The following MTAP variants were observed in gnomAD, a reference collection of about 807,000 sequenced individuals.
MTAP encodes methylthioadenosine phosphorylase, also known as S-methyl-5'-thioadenosine phosphorylase.
In MTAP, 33 loss-of-function variants were observed where a neutral mutation model predicts 33.6. The ratio of observed to expected loss-of-function variants is 0.98; its 90% CI spans 0.74 to 1.31. The LOEUF is 1.31. MTAP is among the 40% of genes most tolerant of loss of function. The probability of loss-of-function intolerance (pLI) is 0.00; values close to 1 mark genes in which losing one functional copy is unlikely to be tolerated. For synonymous variants in MTAP, 148 were observed against 125.7 expected (o/e 1.18, Z -1.19); for missense variants, 367 against 360.0 (o/e 1.02, Z -0.16).
intron 1 of MTAP, chr9:21,803,019 CACACACACA>C: frequency 9.0e-7 from 1 of 1,110,306 alleles, no homozygotes; most frequent in Non-Finnish European, 1.2e-6. Flanking sequence ...CACACACACA[CACACACACA>C]CACACACACC....
At chr9:21,817,435 C>T (rs1054298190) in intron 3 of MTAP, among the ~76,000 whole-genome samples, 39 of 151,952 alleles carry the variant, frequency 2.6e-4, no homozygotes, top group African/African-American at 9.4e-4. Flanking sequence ...ACTGAGTCCC[C>T]ATCTGGAGCT....
chr9:21,815,739 C>G, intron 2 of MTAP: 1 of 519,380 alleles, frequency 1.9e-6, no homozygotes, highest in South Asian at 2.3e-5. Context: ...AAAATGGCTA[C>G]TTAGTATGTA....
chr9:21,861,970 T>C lies in MTAP; in HGVS notation c.814-6T>C. On this transcript the variant is annotated splice_region_variant and splice_polypyrimidine_tract_variant and intron_variant, in intron 7 of 7. Coordinates refer to ENST00000644715, the MANE Select transcript of MTAP (RefSeq NM_002451.4). The stretch of plus-strand genomic sequence containing the variant: ...TGAATATCACTGCCTCCTTTCTTCC[T>C]TTCAGAATATGGCCCAGTTTTCTGT... 1 of 1,533,608 alleles carries C rather than the reference T, an allele frequency of 6.5e-7. No homozygotes were observed.
In MTAP at chr9:21,864,508, C is replaced by T; in HGVS notation, c.*2494C>T. ...AATAGATTTGCATGTACATAGAAGT[C>T]TTTGTTGGCCTTATAATCTGCTGTT... On this transcript the variant is annotated 3_prime_UTR_variant, in exon 8 of 8. Coordinates refer to ENST00000644715, the MANE Select transcript of MTAP (RefSeq NM_002451.4). 1 of 985,362 alleles carries T rather than the reference C, an allele frequency of 1.0e-6. No homozygotes were observed. The highest frequency in any genetic ancestry group is 1.2e-6 in the Non-Finnish European group (1 of 829,928). The allele number at this position is 985,362 out of a possible 1,614,324, so 61.0% of individuals were successfully genotyped here.
downstream of MTAP, among the ~76,000 whole-genome samples, chr9:21,872,051 C>G (rs1199303138): frequency 6.6e-6 from 1 of 152,140 alleles, no homozygotes; most frequent in Non-Finnish European, 1.5e-5. Context: ...CGTGGTGGCT[C>G]ACACCTGTAA....
intron 1 of MTAP, chr9:21,803,096 G>C (rs1824106633): frequency 6.7e-6 from 4 of 595,312 alleles, no homozygotes; most frequent in African/African-American, 2.0e-5. Flanking sequence ...TTTAGAGAGA[G>C]AGGTCGTGGA....
chr9:21,873,951 A>G (rs1343580876), intron 1 of MTAP, among the ~76,000 whole-genome samples: 1 of 152,166 alleles, frequency 6.6e-6, no homozygotes, highest in African/African-American at 2.4e-5. Flanking sequence ...CATTTAGGGA[A>G]GATTAACAGG....
Position 21,862,652 on chromosome 9 carries a change from A to G in MTAP, c.*638A>G, listed in dbSNP as rs2118581172. ...CTTAGTTATAATTAGATTGTGAATC[A>G]GCCAACTGAAAATCCTTTTTGCATA... is the stretch of plus-strand genomic sequence containing the variant. On this transcript the variant is annotated 3_prime_UTR_variant, in exon 8 of 8. Transcript: ENST00000644715. 6.6e-6 allele frequency: 1 copy of G among 152,428 alleles called. No individual in the cohort carries two copies. Among genetic ancestry groups the G allele is most frequent in the Non-Finnish European group, 1.5e-5 (1 of 68,100 alleles). 9.4% of individuals were successfully genotyped at this position (152,428 alleles called of 1,614,324 possible).
intron 1 of MTAP, among the ~76,000 whole-genome samples, chr9:21,902,875 A>C (rs552756089): frequency 2.0e-4 from 30 of 152,366 alleles, no homozygotes; most frequent in Non-Finnish European, 3.4e-4. Context: ...TGATTAAGGT[A>C]AGAACAGAAA....
intron 4 of MTAP, among the ~76,000 whole-genome samples, chr9:21,829,782 C>T (rs1824922096): frequency 6.6e-6 from 1 of 152,170 alleles, no homozygotes; most frequent in Non-Finnish European, 1.5e-5. Flanking sequence ...GGACCAACCT[C>T]AGATTTAAGA....
intron 1 of MTAP, among the ~76,000 whole-genome samples, chr9:21,909,434 T>G (rs1818531371): frequency 6.6e-6 from 1 of 152,162 alleles, no homozygotes; most frequent in African/African-American, 2.4e-5. Context: ...GGTGGGGTAC[T>G]CTATAATGGT....
intron 1 of MTAP, among the ~76,000 whole-genome samples, chr9:21,880,344 A>G (rs1817985944): frequency 6.6e-6 from 1 of 152,120 alleles, no homozygotes; most frequent in South Asian, 2.1e-4. Flanking sequence ...ACCTCTATTC[A>G]TTATAGATAA....
Position 21,804,877 on chromosome 9 carries a change from T to C in MTAP, c.33+2096T>C, listed in dbSNP as rs73429320. On this transcript the variant is annotated intron_variant, in intron 1 of 7. Coordinates refer to ENST00000644715, the MANE Select transcript of MTAP (RefSeq NM_002451.4). ...GCCTAGAGCCTGGCATTCCACCAACTAGATGTGAGGCATTTCTGAAATCTG... is the reference window on the plus strand; with the variant it reads ...GCCTAGAGCCTGGCATTCCACCAACCAGATGTGAGGCATTTCTGAAATCTG... Among the ~76,000 whole-genome samples the C allele has an allele frequency of 9.5e-3, 1,442 of 152,314 alleles. 21 individuals carry two copies. The highest frequency in any genetic ancestry group is 0.031 in the African/African-American group (1,289 of 41,568).
intron 5 of MTAP, among the ~76,000 whole-genome samples, chr9:21,843,243 T>C (rs1587237999): frequency 6.6e-6 from 1 of 152,104 alleles, no homozygotes; most frequent in East Asian, 1.9e-4. Flanking sequence ...CACTTAACAC[T>C]TGAGCTCCCA....
intron 5 of MTAP, among the ~76,000 whole-genome samples, chr9:21,850,740 G>A (rs1452487735): frequency 1.3e-5 from 2 of 152,200 alleles, no homozygotes; most frequent in Non-Finnish European, 2.9e-5. Flanking sequence ...AAGTCACCAT[G>A]CGACCTGAAC....
At chr9:21,933,368 G>A (rs1455251063), downstream of MTAP, 1 of 152,276 alleles carries the variant, frequency 6.6e-6, no homozygotes, top group Admixed American at 6.5e-5. Context: ...AGGAAGAAAA[G>A]AAGGACTAAA....
At chr9:21,852,629 A>T (rs114741146) in intron 5 of MTAP, among the ~76,000 whole-genome samples, 1,905 of 151,894 alleles carry the variant, frequency 0.013, 43 homozygotes, top group African/African-American at 0.041. Flanking sequence ...TGACAGGTGC[A>T]TCAGAATCCC....
chr9:21,913,030 T>C (rs1232972330), intron 1 of MTAP, among the ~76,000 whole-genome samples: 4 of 152,180 alleles, frequency 2.6e-5, no homozygotes, highest in African/African-American at 7.2e-5. Flanking sequence ...CCATTCACAA[T>C]TGCTTCAAAG....
intron 1 of MTAP, among the ~76,000 whole-genome samples, chr9:21,813,417 G>A (rs1253830484): frequency 6.6e-6 from 1 of 152,228 alleles, no homozygotes; most frequent in East Asian, 1.9e-4. Flanking sequence ...GCTACCTGGT[G>A]CAGAGTCATT....
Sources: gnomAD v4.1 joint callset for allele counts (sites outside exome capture counted in the v4.1 genomes callset) on GRCh38, gnomAD v4.1.1 for gene constraint, MANE v1.5 for transcripts, NCBI Gene and HGNC (gene_info 2026-07-23, HGNC 2026-07-21) for gene names.